MBD5: variants seen among roughly 807,000 people sequenced by gnomAD.
MBD5 encodes the protein methyl-CpG-binding domain protein 5.
A neutral mutation model predicts 117.3 loss-of-function variants in MBD5; 13 were observed. That is an observed-to-expected ratio of 0.11 (90% CI 0.07 to 0.18). MBD5 has a LOEUF of 0.18. MBD5 is among the 10% of genes least tolerant of loss of function. MBD5 has a pLI of 1.00. For synonymous variants in MBD5, 727 were observed against 766.4 expected, an observed-to-expected ratio of 0.95 and a Z score of 0.85; for missense variants, 1,879 against 2,093.8, an observed-to-expected ratio of 0.90 and a Z score of 2.00.
chr2:148,254,371 C>T (rs566499286), intron 3 of MBD5, among the ~76,000 whole-genome samples: 12 of 152,212 alleles, frequency 7.9e-5, no homozygotes, highest in Non-Finnish European at 1.3e-4. Context: ...CAACCTCATC[C>T]GTTAACAGGA....
intron 3 of MBD5, among the ~76,000 whole-genome samples, chr2:148,313,041 C>CA (rs1702070434): frequency 1.3e-5 from 2 of 152,256 alleles, no homozygotes; most frequent in East Asian, 3.9e-4. Flanking sequence ...CCCAGAGTGG[C>CA]ACCCGCTAGA....
chr2:148,226,957 GTTGT>G (rs1265633636), intron 2 of MBD5, among the ~76,000 whole-genome samples: 1 of 152,264 alleles, frequency 6.6e-6, no homozygotes, highest in African/African-American at 2.4e-5. Context: ...TTTTGATGGG[GTTGT>G]TTGTTTTTTT....
intron 1 of MBD5, among the ~76,000 whole-genome samples, chr2:148,043,710 G>T (rs1694440227): frequency 6.6e-6 from 1 of 152,050 alleles, no homozygotes; most frequent in South Asian, 2.1e-4. Context: ...ACAAAATCAG[G>T]ATTGTAAAGA....
chr2:148,028,478 T>C (rs1390951822), intron 1 of MBD5: 1 of 152,084 alleles, frequency 6.6e-6, no homozygotes, highest in African/African-American at 2.4e-5. Context: ...AAATTATACT[T>C]AGGGTTATCC....
intron 4 of MBD5, among the ~76,000 whole-genome samples, chr2:148,394,911 A>G (rs888858729): frequency 2.0e-5 from 3 of 152,166 alleles, no homozygotes; most frequent in Non-Finnish European, 2.9e-5. Context: ...CCTAAGATCA[A>G]TGAAGTTTAG....
chr2:148,321,879 C>G, intron 3 of MBD5, among the ~76,000 whole-genome samples: 1 of 152,102 alleles, frequency 6.6e-6, no homozygotes. Flanking sequence ...TGAGCTGCCA[C>G]CCCCAGCCTT....
At chr2:148,251,423 T>TA (rs1700462956) in intron 3 of MBD5, among the ~76,000 whole-genome samples, 1 of 152,192 alleles carries the variant, frequency 6.6e-6, no homozygotes, top group Non-Finnish European at 1.5e-5. Context: ...ATCATCAAAA[T>TA]ACAACATGAT....
At chr2:148,404,258 A>G (rs938727240) in intron 4 of MBD5, among the ~76,000 whole-genome samples, 1 of 152,168 alleles carries the variant, frequency 6.6e-6, no homozygotes, top group African/African-American at 2.4e-5. Context: ...TTTAAGACTC[A>G]TTAAGTGTTA....
At chr2:148,386,988 AG>A (rs1355576841) in intron 4 of MBD5, among the ~76,000 whole-genome samples, 2 of 152,180 alleles carry the variant, frequency 1.3e-5, no homozygotes, top group Admixed American at 1.3e-4. Context: ...TTTCAAATGA[AG>A]GTCATTTCAA....
At chr2:148,382,779 C>A (rs1257964398) in intron 4 of MBD5, among the ~76,000 whole-genome samples, 4 of 152,110 alleles carry the variant, frequency 2.6e-5, no homozygotes, top group Non-Finnish European at 5.9e-5. Context: ...TGCAATCAAA[C>A]TAGAACTTGG....
chr2:148,475,553 A>T (rs1325980220), intron 8 of MBD5, among the ~76,000 whole-genome samples: 22 of 152,244 alleles, frequency 1.4e-4, no homozygotes, highest in Non-Finnish European at 5.9e-5. Context: ...ATGTTTGCTG[A>T]TTCAGTGATC....
intron 2 of MBD5, among the ~76,000 whole-genome samples, chr2:148,179,088 C>T (rs975660494): frequency 6.6e-6 from 1 of 152,176 alleles, no homozygotes; most frequent in African/African-American, 2.4e-5. Context: ...GGCGCGGTGG[C>T]TCACGCCTGT....
intron 3 of MBD5, among the ~76,000 whole-genome samples, chr2:148,253,022 C>T (rs901133431): frequency 2.0e-5 from 3 of 151,978 alleles, no homozygotes; most frequent in Non-Finnish European, 4.4e-5. Context: ...AAATGGAAAT[C>T]GGGACTTAAT....
intron 1 of MBD5, among the ~76,000 whole-genome samples, chr2:148,137,256 T>G (rs1558940992): frequency 6.6e-6 from 1 of 152,200 alleles, no homozygotes; most frequent in Non-Finnish European, 1.5e-5. Context: ...CTGAAACTTT[T>G]TCATAATGTT....
At chr2:148,327,678 G>C (rs1341465765) in intron 3 of MBD5, among the ~76,000 whole-genome samples, 2 of 151,678 alleles carry the variant, frequency 1.3e-5, no homozygotes, top group Non-Finnish European at 2.9e-5. Context: ...ATCGAGCCTT[G>C]GTTTTCAGCT....
intron 3 of MBD5, among the ~76,000 whole-genome samples, chr2:148,246,490 G>C (rs1180752547): frequency 2.0e-5 from 3 of 152,116 alleles, no homozygotes; most frequent in Non-Finnish European, 2.9e-5. Flanking sequence ...TTTGCTACTA[G>C]CTGGGCACGG....
intron 1 of MBD5, among the ~76,000 whole-genome samples, chr2:148,104,592 A>C (rs1249465135): frequency 6.6e-6 from 1 of 152,172 alleles, no homozygotes; most frequent in Non-Finnish European, 1.5e-5. Context: ...AGTGTTTAAA[A>C]ATTTTCAGCA....
chr2:148,360,306 T>C lies in MBD5; in HGVS notation c.-557+17970T>C, dbSNP rs574077009. Reference sequence around the variant, plus strand: ...GCTGGATTTTTCCCTAAAGTGCATATATTTTTTGGATTAACAACACATTTA... The same window carrying C: ...GCTGGATTTTTCCCTAAAGTGCATACATTTTTTGGATTAACAACACATTTA... On this transcript the variant is annotated intron_variant, in intron 4 of 13. Coordinates refer to ENST00000642680, the MANE Select transcript of MBD5 (RefSeq NM_001378120.1). 2.0e-5 allele frequency among the ~76,000 whole-genome samples: 3 copies of C among 152,208 alleles called. No individual in the cohort carries two copies. In the South Asian group the frequency reaches 6.2e-4, roughly 31 times the overall value.
chr2:148,228,048 C>T lies in MBD5; in HGVS notation c.-830-5197C>T, dbSNP rs544412536. On this transcript the variant is annotated intron_variant, in intron 2 of 13. Coordinates refer to ENST00000642680, the MANE Select transcript of MBD5 (RefSeq NM_001378120.1). ...GGTTTTCTAGATATACAATCATGTCCTCTGCAAACAGGGATGATTTGACTT... is the reference window on the plus strand; with the variant it reads ...GGTTTTCTAGATATACAATCATGTCTTCTGCAAACAGGGATGATTTGACTT... Among the ~76,000 whole-genome samples, 336 of 152,272 alleles carry T rather than the reference C, an allele frequency of 2.2e-3. 1 individual carries two copies. Among genetic ancestry groups the T allele is most frequent in the African/African-American group, 8.0e-3 (331 of 41,548 alleles).
Sources: allele counts gnomAD v4.1 joint callset (sites outside exome capture counted in the v4.1 genomes callset), GRCh38; gene constraint gnomAD v4.1.1; transcripts MANE v1.5; gene names NCBI Gene and HGNC (gene_info 2026-07-23, HGNC 2026-07-21).